The following ARHGAP26 variants were observed in gnomAD, a reference collection of about 807,000 sequenced individuals.
ARHGAP26 encodes rho GTPase-activating protein 26.
ARHGAP26 carries 38 observed loss-of-function variants against 104.8 expected under a neutral mutation model. The ratio of observed to expected loss-of-function variants is 0.36; its 90% CI spans 0.28 to 0.48. ARHGAP26 has a LOEUF of 0.48. Among genes scored for constraint, ARHGAP26 ranks in the 20% least tolerant of loss-of-function variants. The probability of loss-of-function intolerance (pLI) is 0.99; values close to 1 mark genes in which losing one functional copy is unlikely to be tolerated. For missense variants in ARHGAP26, 704 were observed against 947.9 expected, an observed-to-expected ratio of 0.74 and a Z score of 3.38; for synonymous variants, 341 against 340.0, an observed-to-expected ratio of 1.00 and a Z score of -0.03.
intron 18 of ARHGAP26, among the ~76,000 whole-genome samples, chr5:143,124,085 C>A (rs561797638): frequency 6.6e-6 from 1 of 152,328 alleles, no homozygotes; most frequent in Non-Finnish European, 1.5e-5. Flanking sequence ...TCCAGCAGCA[C>A]CTTTTCATGT....
chr5:143,090,749 G>A (rs1791295806), intron 17 of ARHGAP26, among the ~76,000 whole-genome samples: 1 of 152,152 alleles, frequency 6.6e-6, no homozygotes, highest in Non-Finnish European at 1.5e-5. Context: ...AAAACCTGTT[G>A]GCAATTCATT....
chr5:142,957,663 G>A (rs570756043), intron 11 of ARHGAP26, among the ~76,000 whole-genome samples: 7 of 152,224 alleles, frequency 4.6e-5, no homozygotes, highest in Non-Finnish European at 1.0e-4. Context: ...CTCTGCTACC[G>A]TGTGCCAGGA....
chr5:142,859,332 G>T (rs1752924503), intron 1 of ARHGAP26, among the ~76,000 whole-genome samples: 1 of 152,138 alleles, frequency 6.6e-6, no homozygotes, highest in Non-Finnish European at 1.5e-5. Flanking sequence ...CCCGTGCCCA[G>T]GACTGGGTAC....
At chr5:142,924,161 T>C (rs544410509) in intron 10 of ARHGAP26, among the ~76,000 whole-genome samples, 6 of 152,318 alleles carry the variant, frequency 3.9e-5, no homozygotes, top group Non-Finnish European at 7.4e-5. Flanking sequence ...AATAATTGAT[T>C]AGAAGCTACT....
intron 1 of ARHGAP26, among the ~76,000 whole-genome samples, chr5:142,851,811 T>C (rs774714647): frequency 6.6e-6 from 1 of 152,308 alleles, no homozygotes; most frequent in Non-Finnish European, 1.5e-5. Context: ...GGCCTTCTCT[T>C]CTCCCTCATC....
At chr5:142,864,220 T>G (rs1371038447) in intron 1 of ARHGAP26, among the ~76,000 whole-genome samples, 2 of 152,124 alleles carry the variant, frequency 1.3e-5, no homozygotes, top group Non-Finnish European at 2.9e-5. Context: ...CAGTCTCTTG[T>G]GTCTTAAATG....
At chr5:143,210,478 T>C (rs1809282504) in intron 21 of ARHGAP26, among the ~76,000 whole-genome samples, 1 of 152,080 alleles carries the variant, frequency 6.6e-6, no homozygotes, top group Non-Finnish European at 1.5e-5. Context: ...TCAAACCATT[T>C]ATAGACCTTG....
intron 17 of ARHGAP26, among the ~76,000 whole-genome samples, chr5:143,061,830 G>A (rs890713515): frequency 6.6e-6 from 1 of 152,182 alleles, no homozygotes; most frequent in Non-Finnish European, 1.5e-5. Flanking sequence ...GTCCTTGCAT[G>A]TTAGTGCTTG....
At chr5:142,819,673 C>A (rs976473888) in intron 1 of ARHGAP26, among the ~76,000 whole-genome samples, 8 of 152,142 alleles carry the variant, frequency 5.3e-5, no homozygotes, top group Non-Finnish European at 1.0e-4. Context: ...TACAGTGACA[C>A]AATGTTTTAT....
intron 1 of ARHGAP26, among the ~76,000 whole-genome samples, chr5:142,829,438 C>A (rs1473841794): frequency 6.6e-6 from 1 of 152,226 alleles, no homozygotes; most frequent in Non-Finnish European, 1.5e-5. Context: ...AGATCACCTT[C>A]TTTTCCACCC....
intron 19 of ARHGAP26, among the ~76,000 whole-genome samples, chr5:143,140,932 G>T: frequency 6.6e-6 from 1 of 152,298 alleles, no homozygotes; most frequent in East Asian, 1.9e-4. Context: ...CTTCCTTGTT[G>T]AAAAATGACT....
At chr5:142,853,593 C>T (rs187343604) in intron 1 of ARHGAP26, among the ~76,000 whole-genome samples, 1 of 152,290 alleles carries the variant, frequency 6.6e-6, no homozygotes, top group East Asian at 1.9e-4. Flanking sequence ...GGGATTTAAA[C>T]AATAGTATCT....
intron 10 of ARHGAP26, chr5:142,919,270 C>T (rs1762886310): frequency 2.5e-6 from 1 of 398,418 alleles, no homozygotes; most frequent in African/African-American, 2.1e-5. Context: ...AACATGAAGG[C>T]AGAAGTCGAG....
intron 20 of ARHGAP26, among the ~76,000 whole-genome samples, chr5:143,206,518 T>A (rs1029917779): frequency 1.2e-4 from 19 of 152,250 alleles, no homozygotes; most frequent in Non-Finnish European, 2.5e-4. Flanking sequence ...CTGGGGCTTT[T>A]TCTTTGAGTA....
chr5:142,963,181 T>TATATATATATATATATATAC (rs1770611070), intron 11 of ARHGAP26, among the ~76,000 whole-genome samples: 16 of 111,558 alleles, frequency 1.4e-4, no homozygotes, highest in African/African-American at 5.6e-4. Context: ...TGTATATATA[T>TATATATATATATATATATAC]ATATATATAT....
chr5:142,775,652 A>G lies in ARHGAP26; in HGVS notation c.154+4737A>G, dbSNP rs375917603. 3.9e-5 allele frequency among the ~76,000 whole-genome samples: 6 copies of G among 152,024 alleles called. No homozygotes were observed. The South Asian group carries it at 6.2e-4, about 16-fold the overall frequency. On this transcript the variant is annotated intron_variant, in intron 1 of 22. Transcript: ENST00000645722. ...TAACTCCCCACTTTCCCCTCCCCCA[A>G]CCCTAGTAACCTCTATTCTGCTGTC... is the stretch of plus-strand genomic sequence containing the variant.
At chr5:142,918,497 T>G (rs866902753) in intron 10 of ARHGAP26, among the ~76,000 whole-genome samples, 3 of 152,364 alleles carry the variant, frequency 2.0e-5, no homozygotes, top group Non-Finnish European at 2.9e-5. Context: ...CTTTTAATTC[T>G]TATATATCTA....
At chr5:142,993,639 AT>A (rs927012424) in intron 11 of ARHGAP26, among the ~76,000 whole-genome samples, 1 of 150,314 alleles carries the variant, frequency 6.7e-6, no homozygotes, top group Non-Finnish European at 1.5e-5. Context: ...TAGATTGTTG[AT>A]TTTTTTTCTT....
intron 20 of ARHGAP26, among the ~76,000 whole-genome samples, chr5:143,174,681 T>C (rs1803236756): frequency 6.6e-6 from 1 of 152,244 alleles, no homozygotes; most frequent in South Asian, 2.1e-4. Flanking sequence ...TTTGTAGATA[T>C]ATACCTCTAT....
Sources: allele counts gnomAD v4.1 joint callset (sites outside exome capture counted in the v4.1 genomes callset), GRCh38; gene constraint gnomAD v4.1.1; transcripts MANE v1.5; gene names NCBI Gene and HGNC (gene_info 2026-07-23, HGNC 2026-07-21).